Variants in FNDC3A observed in about 807,000 individuals in gnomAD.
FNDC3A encodes the protein fibronectin type-III domain-containing protein 3A.
In FNDC3A, 32 loss-of-function variants were observed where a neutral mutation model predicts 148.9. That is an observed-to-expected ratio of 0.21 (90% CI 0.16 to 0.29). The LOEUF (loss-of-function observed/expected upper bound fraction) is 0.29. Among genes scored for constraint, FNDC3A ranks in the 10% least tolerant of loss-of-function variants. FNDC3A has a pLI of 1.00. For synonymous variants in FNDC3A, 472 were observed against 473.6 expected, an observed-to-expected ratio of 1.00 and a Z score of 0.04; for missense variants, 1,191 against 1,452.8, an observed-to-expected ratio of 0.82 and a Z score of 2.93.
intron 1 of FNDC3A, among the ~76,000 whole-genome samples, chr13:48,994,036 A>G (rs868499170): frequency 6.6e-6 from 1 of 152,230 alleles, no homozygotes; most frequent in Non-Finnish European, 1.5e-5. Flanking sequence ...ATTAAAATGG[A>G]AAGTGTAATC....
chr13:49,176,396 A>G (rs1885032431), intron 13 of FNDC3A, among the ~76,000 whole-genome samples: 1 of 152,106 alleles, frequency 6.6e-6, no homozygotes, highest in Non-Finnish European at 1.5e-5. Context: ...AGAACCAAAC[A>G]CTGCATGTTC....
In FNDC3A at chr13:49,182,637, T is replaced by C. The variant is rs999865945; in HGVS notation, c.1618-3327T>C. Among the ~76,000 whole-genome samples the C allele has an allele frequency of 2.0e-5, 3 of 152,184 alleles. No homozygotes were observed. In the South Asian group the frequency reaches 6.2e-4, roughly 32 times the overall value. ...TAAGAACCTTTAGATACTTTCACTT[T>C]CAGCTTATTCCTTGTTTTTTGAGGT... On this transcript the variant is annotated intron_variant, in intron 14 of 25. Coordinates refer to ENST00000492622, the MANE Select transcript of FNDC3A (RefSeq NM_001079673.2).
At chr13:49,069,414 C>A (rs983451121) in intron 2 of FNDC3A, among the ~76,000 whole-genome samples, 1 of 152,084 alleles carries the variant, frequency 6.6e-6, no homozygotes, top group Non-Finnish European at 1.5e-5. Flanking sequence ...TCACCCTTCC[C>A]GTGTTCCCCC....
chr13:49,039,259 C>A, intron 2 of FNDC3A, among the ~76,000 whole-genome samples: 1 of 152,148 alleles, frequency 6.6e-6, no homozygotes, highest in Non-Finnish European at 1.5e-5. Flanking sequence ...TAATACCAAT[C>A]TTTTGAATAA....
At chr13:49,093,929 C>T (rs1355034068) in intron 3 of FNDC3A, among the ~76,000 whole-genome samples, 1 of 152,016 alleles carries the variant, frequency 6.6e-6, no homozygotes, top group East Asian at 1.9e-4. Flanking sequence ...TGTAGTTTTT[C>T]CTCAGAGCAT....
chr13:49,201,693 A>G, intron 23 of FNDC3A, 107 bp from the exon 24 acceptor site: 1 of 481,208 alleles, frequency 2.1e-6, no homozygotes, highest in Non-Finnish European at 3.5e-6. Context: ...GTAACTTATC[A>G]CTCCTAAATA....
chr13:49,023,510 C>T (rs1259559219), intron 2 of FNDC3A, among the ~76,000 whole-genome samples: 1 of 151,536 alleles, frequency 6.6e-6, no homozygotes, highest in Non-Finnish European at 1.5e-5. Context: ...TTAAAATAAA[C>T]ATCTTACAGA....
chr13:49,059,793 G>A (rs1024562771), intron 2 of FNDC3A, among the ~76,000 whole-genome samples: 4 of 152,096 alleles, frequency 2.6e-5, no homozygotes, highest in Non-Finnish European at 5.9e-5. Flanking sequence ...TCTCTTAAGG[G>A]TCTAGCATCC....
chr13:49,120,036 T>G (rs1881230176), intron 4 of FNDC3A, among the ~76,000 whole-genome samples: 1 of 152,086 alleles, frequency 6.6e-6, no homozygotes. Context: ...GACACGTAAT[T>G]GTCAGATTCA....
chr13:49,032,650 G>C (rs149866578), intron 2 of FNDC3A, among the ~76,000 whole-genome samples: 2,840 of 152,154 alleles, frequency 0.019, 93 homozygotes, highest in African/African-American at 0.063. Flanking sequence ...GCAGGAGAAT[G>C]GCGTGAACCC....
intron 5 of FNDC3A, among the ~76,000 whole-genome samples, chr13:49,132,997 T>A (rs1189469863): frequency 6.6e-6 from 1 of 152,232 alleles, no homozygotes; most frequent in Non-Finnish European, 1.5e-5. Context: ...CTGTCACTTA[T>A]GCTCAGTACA....
At chr13:49,161,412 G>A (rs888291587) in intron 8 of FNDC3A, among the ~76,000 whole-genome samples, 2 of 152,120 alleles carry the variant, frequency 1.3e-5, no homozygotes, top group Non-Finnish European at 2.9e-5. Context: ...TTGGAGACTA[G>A]GACTGCAACC....
chr13:49,022,343 G>A (rs1873390325), intron 2 of FNDC3A, among the ~76,000 whole-genome samples: 1 of 152,074 alleles, frequency 6.6e-6, no homozygotes, highest in Non-Finnish European at 1.5e-5. Context: ...TTGTTTCTGA[G>A]ATTAGCTTTT....
chr13:49,079,198 A>C (rs1243528941), intron 3 of FNDC3A, among the ~76,000 whole-genome samples: 1 of 152,204 alleles, frequency 6.6e-6, no homozygotes, highest in Admixed American at 6.5e-5. Flanking sequence ...TACATTCTGG[A>C]AAGACAAATT....
intron 2 of FNDC3A, among the ~76,000 whole-genome samples, chr13:49,033,093 T>G (rs1331920143): frequency 1.3e-5 from 2 of 152,208 alleles, no homozygotes; most frequent in East Asian, 3.8e-4. Context: ...ACACTGATGC[T>G]TGTTTCTTTT....
chr13:49,159,439 T>G (rs1480536844), intron 8 of FNDC3A, among the ~76,000 whole-genome samples: 3 of 152,196 alleles, frequency 2.0e-5, no homozygotes, highest in East Asian at 1.9e-4. Context: ...TGGTGTATAG[T>G]AATGCTTGTG....
intron 25 of FNDC3A, among the ~76,000 whole-genome samples, chr13:49,206,382 GTAGT>G (rs1256249731): frequency 6.6e-6 from 1 of 151,868 alleles, no homozygotes; most frequent in Non-Finnish European, 1.5e-5. Flanking sequence ...TAAGCTTGTG[GTAGT>G]TATTTATATC....
intron 13 of FNDC3A, among the ~76,000 whole-genome samples, chr13:49,178,006 G>A (rs897702982): frequency 2.8e-4 from 42 of 152,124 alleles, no homozygotes; most frequent in Non-Finnish European, 1.0e-4. Flanking sequence ...GAATTTTACA[G>A]TATATGAATT....
intron 2 of FNDC3A, among the ~76,000 whole-genome samples, chr13:49,036,414 C>T (rs1874496621): frequency 6.6e-6 from 1 of 152,132 alleles, no homozygotes; most frequent in South Asian, 2.1e-4. Context: ...AGCACAAATG[C>T]TATAGGACAT....
Sources: allele counts gnomAD v4.1 joint callset (sites outside exome capture counted in the v4.1 genomes callset), GRCh38; gene constraint gnomAD v4.1.1; transcripts MANE v1.5; gene names NCBI Gene and HGNC (gene_info 2026-07-23, HGNC 2026-07-21).